Variants in CERS6 observed in about 807,000 individuals in gnomAD.
CERS6 encodes ceramide synthase 6.
A neutral mutation model predicts 56.8 loss-of-function variants in CERS6; 26 were observed. The ratio of observed to expected loss-of-function variants is 0.46; its 90% confidence interval spans 0.34 to 0.63. CERS6 has a LOEUF of 0.63. Ranked by LOEUF, CERS6 falls within the 30% of genes least tolerant of loss-of-function variation. The pLI is 0.01. For synonymous variants in CERS6, 164 were observed against 173.3 expected, an observed-to-expected ratio of 0.95 and a Z score of 0.42; for missense variants, 415 against 467.5, an observed-to-expected ratio of 0.89 and a Z score of 1.04.
intron 5 of CERS6, 25 bp from the exon 6 acceptor site, chr2:168,694,934 T>C (rs1269411666): frequency 6.3e-7 from 1 of 1,581,000 alleles, no homozygotes; most frequent in Admixed American, 1.7e-5. Flanking sequence ...CTACTAATCA[T>C]TCCTTTTTTT....
intron 2 of CERS6, among the ~76,000 whole-genome samples, chr2:168,553,924 C>T (rs1474005383): frequency 6.6e-6 from 1 of 152,104 alleles, no homozygotes; most frequent in Admixed American, 6.5e-5. Flanking sequence ...CAAAGCATAT[C>T]AGTGAAAGCT....
intron 2 of CERS6, among the ~76,000 whole-genome samples, chr2:168,554,009 T>A (rs535242619): frequency 1.3e-5 from 2 of 152,160 alleles, no homozygotes; most frequent in Non-Finnish European, 2.9e-5. Context: ...TATTGACTAT[T>A]GTAGTATTGG....
At chr2:168,495,658 A>T (rs1313824581) in intron 1 of CERS6, among the ~76,000 whole-genome samples, 1 of 152,224 alleles carries the variant, frequency 6.6e-6, no homozygotes, top group Non-Finnish European at 1.5e-5. Flanking sequence ...TGTAAAGAGC[A>T]CTGAAACTTG....
intron 8 of CERS6, among the ~76,000 whole-genome samples, chr2:168,761,942 T>G (rs943155798): frequency 6.6e-6 from 1 of 152,046 alleles, no homozygotes; most frequent in Non-Finnish European, 1.5e-5. Context: ...CACTCATAAG[T>G]GGGAGTTGAA....
rs1684862221 is a variant in CERS6, at chr2:168,771,635, AG to A, written c.*1974del. ...CAGCTGAAAATTTTGAGAAGGTAAA[AG>A]TTTCTTAATTAAAATATGAACATAT... On this transcript the variant is annotated 3_prime_UTR_variant, in exon 10 of 10. Transcript: ENST00000305747. 6.6e-6 allele frequency: 1 copy of A among 152,196 alleles called. No individual in the cohort carries two copies. Among genetic ancestry groups the A allele is most frequent in the Non-Finnish European group, 1.5e-5 (1 of 68,036 alleles). 9.4% of individuals were successfully genotyped at this position (152,196 alleles called of 1,614,324 possible).
chr2:168,586,908 C>T (rs376217746), intron 3 of CERS6, among the ~76,000 whole-genome samples: 4 of 152,282 alleles, frequency 2.6e-5, no homozygotes, highest in South Asian at 2.1e-4. Flanking sequence ...TGGTGGCTCA[C>T]GCTGGTAATT....
Position 168,561,180 on chromosome 2 carries a change from C to G in CERS6, c.277-12C>G, listed in dbSNP as rs1028384966. ...GGATTGAAAATTATTTTTCTGGTAC[C>G]TTGTTTCATAGCATCCTGATGAAAA... On this transcript the variant is annotated splice_polypyrimidine_tract_variant and intron_variant, in intron 2 of 9. Coordinates refer to ENST00000305747, the MANE Select transcript of CERS6 (RefSeq NM_203463.3). The G allele has an allele frequency of 6.2e-7, 1 of 1,613,014 alleles. No individual in the cohort carries two copies. The highest frequency in any genetic ancestry group is 8.5e-7 in the Non-Finnish European group (1 of 1,179,442).
intron 6 of CERS6, among the ~76,000 whole-genome samples, chr2:168,703,499 A>C (rs1574174570): frequency 6.6e-6 from 1 of 152,202 alleles, no homozygotes; most frequent in East Asian, 1.9e-4. Context: ...CGGAGATTGC[A>C]GTGAGCCAAG....
At chr2:168,527,062 C>G (rs539255343) in intron 1 of CERS6, among the ~76,000 whole-genome samples, 54 of 152,294 alleles carry the variant, frequency 3.5e-4, no homozygotes, top group African/African-American at 1.3e-3. Flanking sequence ...TCTCCTTTGC[C>G]GGCTTCTTCC....
intron 1 of CERS6, among the ~76,000 whole-genome samples, chr2:168,472,324 G>T (rs978592405): frequency 1.3e-5 from 2 of 152,110 alleles, no homozygotes; most frequent in Non-Finnish European, 2.9e-5. Flanking sequence ...AGAGATCAAG[G>T]ATCAGAACAT....
At chr2:168,607,493 T>C (rs982761460) in intron 3 of CERS6, among the ~76,000 whole-genome samples, 2 of 152,202 alleles carry the variant, frequency 1.3e-5, no homozygotes, top group African/African-American at 4.8e-5. Context: ...GCGATTCTCC[T>C]GCCTCAGCCT....
At chr2:168,582,275 T>C (rs1231089990) in intron 3 of CERS6, among the ~76,000 whole-genome samples, 1 of 152,106 alleles carries the variant, frequency 6.6e-6, no homozygotes, top group Non-Finnish European at 1.5e-5. Flanking sequence ...TCTTCCCCCT[T>C]TCCTCCAGGG....
intron 8 of CERS6, among the ~76,000 whole-genome samples, chr2:168,739,822 T>C (rs937520699): frequency 6.6e-6 from 1 of 151,790 alleles, no homozygotes; most frequent in African/African-American, 2.4e-5. Flanking sequence ...CTCAGCTCAC[T>C]GCACCTCTCC....
chr2:168,536,680 C>A (rs529259959), intron 1 of CERS6, among the ~76,000 whole-genome samples: 2 of 152,052 alleles, frequency 1.3e-5, no homozygotes, highest in East Asian at 3.9e-4. Context: ...GAAAGTAAAG[C>A]AAATTATAAA....
In CERS6 at chr2:168,566,207, G is replaced by A. The variant is rs538358125; in HGVS notation, c.407+4885G>A. Among the ~76,000 whole-genome samples, 32 of 152,194 alleles carry A rather than the reference G, an allele frequency of 2.1e-4. 1 individual carries two copies. The East Asian group carries it at 5.6e-3, about 27-fold the overall frequency. On this transcript the variant is annotated intron_variant, in intron 3 of 9. Coordinates refer to ENST00000305747, the MANE Select transcript of CERS6 (RefSeq NM_203463.3). ...TTTTATTTAAGCAGTCTCAAAGATT[G>A]GAAAGATGAATCTCCCATATGTAAT... is the stretch of plus-strand genomic sequence containing the variant.
At chr2:168,466,869 C>T (rs757811962) in intron 1 of CERS6, among the ~76,000 whole-genome samples, 1 of 152,158 alleles carries the variant, frequency 6.6e-6, no homozygotes, top group Non-Finnish European at 1.5e-5. Flanking sequence ...AGATGCATTC[C>T]TTCACTAGGT....
chr2:168,487,822 C>T (rs915606370), intron 1 of CERS6, among the ~76,000 whole-genome samples: 1 of 152,156 alleles, frequency 6.6e-6, no homozygotes. Context: ...CTGGGTTCAA[C>T]CAGTCCTCCT....
chr2:168,456,539 A>G lies in CERS6; in HGVS notation c.91A>G (p.Thr31Ala). 1 of 1,614,006 alleles carries G rather than the reference A, an allele frequency of 6.2e-7. No homozygotes were observed. Among genetic ancestry groups the G allele is most frequent in the South Asian group, 1.1e-5 (1 of 91,080 alleles). ...WADLKNTEEA[T>A]FPQAEDLYLA... is the part of the protein sequence containing the mutation. The stretch of plus-strand genomic sequence containing the variant: ...GGACCTGAAGAACACGGAGGAGGCC[A>G]CCTTCCCGCAGGCTGAGGACCTCTA... The change falls in exon 1 of 10, where the codon ACC (threonine) becomes GCC (alanine). Residue 31 changes from threonine (T) to alanine (A), a missense_variant. Coordinates refer to ENST00000305747, the MANE Select transcript of CERS6 (RefSeq NM_203463.3). The surrounding 1 kb of genome is among the most constrained non-coding windows in gnomAD (Gnocchi z 4.1).
At chr2:168,573,687 C>G (rs9287897) in intron 3 of CERS6, among the ~76,000 whole-genome samples, 1 of 151,834 alleles carries the variant, frequency 6.6e-6, no homozygotes, top group African/African-American at 2.4e-5. Context: ...ATCAGTGGAA[C>G]CCAGCTTTCA....
Sources: gnomAD v4.1 joint callset for allele counts (sites outside exome capture counted in the v4.1 genomes callset) on GRCh38, gnomAD v4.1.1 for gene constraint, Gnocchi (gnomAD v3.1) non-coding constraint, MANE v1.5 for transcripts, NCBI Gene and HGNC (gene_info 2026-07-23, HGNC 2026-07-21) for gene names.